ABCA13: variants seen among roughly 807,000 people sequenced by gnomAD.
ABCA13 encodes the protein ATP-binding cassette sub-family A member 13.
A neutral mutation model predicts 478.7 loss-of-function variants in ABCA13; 476 were observed. That is an observed-to-expected ratio of 0.99 (90% CI 0.92 to 1.07). The LOEUF (loss-of-function observed/expected upper bound fraction) is 1.07, where lower values mean the gene tolerates loss of function less well. ABCA13 is among the 50% of genes least tolerant of loss of function. The probability of loss-of-function intolerance (pLI) is 0.00; values close to 1 mark genes in which losing one functional copy is unlikely to be tolerated. For missense variants in ABCA13, 6,060 were observed against 5,910.6 expected, an observed-to-expected ratio of 1.03 and a Z score of -0.83; for synonymous variants, 2,252 against 2,158.9, an observed-to-expected ratio of 1.04 and a Z score of -1.20.
At chr7:48,375,199 A>T (rs553769243) in intron 34 of ABCA13, among the ~76,000 whole-genome samples, 6 of 152,292 alleles carry the variant, frequency 3.9e-5, no homozygotes, top group South Asian at 4.2e-4. Flanking sequence ...TCATCCTGGA[A>T]CCATCCTCTA....
chr7:48,381,513 G>C (rs528218744), intron 35 of ABCA13, among the ~76,000 whole-genome samples: 50 of 152,152 alleles, frequency 3.3e-4, no homozygotes, highest in Non-Finnish European at 6.2e-4. Context: ...GGGAGACTCT[G>C]TAGATCCAGC....
At chr7:48,217,839 ATC>A (rs1786720298) in intron 3 of ABCA13, among the ~76,000 whole-genome samples, 1 of 152,096 alleles carries the variant, frequency 6.6e-6, no homozygotes, top group African/African-American at 2.4e-5. Context: ...CCCCACTGTA[ATC>A]TCTTTTATCC....
At chr7:48,386,482 A>G (rs1378549409) in intron 35 of ABCA13, among the ~76,000 whole-genome samples, 3 of 152,246 alleles carry the variant, frequency 2.0e-5, no homozygotes, top group Non-Finnish European at 4.4e-5. Context: ...CCTGACTTCA[A>G]ACTATGCTAC....
At chr7:48,319,961 T>C (rs1387554751) in intron 27 of ABCA13, among the ~76,000 whole-genome samples, 1 of 152,058 alleles carries the variant, frequency 6.6e-6, no homozygotes, top group East Asian at 1.9e-4. Flanking sequence ...CCCTGAACAC[T>C]TGTACCCCTC....
rs190801647 is a variant in ABCA13, at chr7:48,177,519, C to T, written c.69+5967C>T. On this transcript the variant is annotated intron_variant, in intron 1 of 61. Coordinates refer to ENST00000435803, the MANE Select transcript of ABCA13 (RefSeq NM_152701.5). The stretch of plus-strand genomic sequence containing the variant: ...CTCCATACACAAACCCGCTCAGCTG[C>T]AGACTCCAGCACTGCGGGACAAGAT... 2.6e-5 allele frequency among the ~76,000 whole-genome samples: 4 copies of T among 152,314 alleles called. No individual in the cohort carries two copies. The East Asian group carries it at 7.7e-4, about 29-fold the overall frequency.
intron 43 of ABCA13, among the ~76,000 whole-genome samples, chr7:48,462,796 A>C (rs913599096): frequency 2.6e-5 from 4 of 152,206 alleles, no homozygotes; most frequent in Admixed American, 6.5e-5. Flanking sequence ...GGCGTGAGCC[A>C]CCGCATCCTG....
In ABCA13 at chr7:48,245,719, G is replaced by T. The variant is rs965030933; in HGVS notation, c.1491+107G>T. On this transcript the variant is annotated intron_variant, in intron 12 of 61. Coordinates refer to ENST00000435803, the MANE Select transcript of ABCA13 (RefSeq NM_152701.5). ...TTGTGAATTGTGCTAGCTAAAAAAG[G>T]GAACAATATGCAGGTTTTTCAAAAC... The T allele has an allele frequency of 7.0e-6, 10 of 1,419,426 alleles. No individual in the cohort carries two copies. The South Asian group carries it at 1.1e-4, about 16-fold the overall frequency. 87.9% of individuals were successfully genotyped at this position (1,419,426 alleles called of 1,614,324 possible).
At chr7:48,302,366 T>C (rs1800265031) in intron 23 of ABCA13, among the ~76,000 whole-genome samples, 1 of 152,206 alleles carries the variant, frequency 6.6e-6, no homozygotes, top group Non-Finnish European at 1.5e-5. Context: ...TATTTTAGGC[T>C]TAGGGGTGCA....
At chr7:48,222,561 C>T (rs1787525919) in intron 5 of ABCA13, among the ~76,000 whole-genome samples, 1 of 151,996 alleles carries the variant, frequency 6.6e-6, no homozygotes, top group African/African-American at 2.4e-5. Flanking sequence ...CCTTGATGGC[C>T]TTCTTAGTAC....
In ABCA13 at chr7:48,248,361, G is replaced by T. The variant is rs1332187832; in HGVS notation, c.1782G>T (p.Arg594=). 1.2e-6 allele frequency: 2 copies of T among 1,613,760 alleles called. No homozygotes were observed. The highest frequency in any genetic ancestry group is 2.2e-5 in the South Asian group (2 of 91,058). ...CAGAAGCAAGCCTTTCCTGTACTCG[G>T]CTCTTCCTGCTGCTGGGAGCTGATC... ...QLSEASLSCT[R]LFLLLGADPS... The change falls in exon 14 of 62, where the codon CGG becomes CGT. Residue 594 remains arginine (R), a synonymous_variant. Coordinates refer to ENST00000435803, the MANE Select transcript of ABCA13 (RefSeq NM_152701.5).
At chr7:48,256,957 A>G (rs1793488247) in intron 15 of ABCA13, among the ~76,000 whole-genome samples, 1 of 152,114 alleles carries the variant, frequency 6.6e-6, no homozygotes, top group Non-Finnish European at 1.5e-5. Flanking sequence ...ATGTTTTTCC[A>G]TTTGTTTGTA....
At chr7:48,477,215 A>C (rs1024839912) in intron 45 of ABCA13, among the ~76,000 whole-genome samples, 1 of 152,070 alleles carries the variant, frequency 6.6e-6, no homozygotes, top group Non-Finnish European at 1.5e-5. Context: ...ATATTTTCTC[A>C]TGATCATTAA....
intron 15 of ABCA13, among the ~76,000 whole-genome samples, chr7:48,268,403 T>C (rs7808297): frequency 0.25 from 37,697 of 151,836 alleles, 5,568 homozygotes; most frequent in East Asian, 0.4. Context: ...AGGTGATCCA[T>C]CTGCCTCGGC....
intron 59 of ABCA13, among the ~76,000 whole-genome samples, chr7:48,631,762 TGTG>T (rs951955089): frequency 3.9e-5 from 6 of 152,148 alleles, no homozygotes; most frequent in African/African-American, 1.4e-4. Context: ...CTTTTAGAAA[TGTG>T]GTCATTTTTA....
At chr7:48,515,039 T>C (rs931801935) in intron 51 of ABCA13, among the ~76,000 whole-genome samples, 1 of 152,152 alleles carries the variant, frequency 6.6e-6, no homozygotes, top group Non-Finnish European at 1.5e-5. Context: ...ATGGATGTCA[T>C]ATGAAAGGGG....
At chr7:48,354,111 A>G (rs191102403) in intron 31 of ABCA13, among the ~76,000 whole-genome samples, 1 of 152,054 alleles carries the variant, frequency 6.6e-6, no homozygotes, top group East Asian at 1.9e-4. Context: ...AGAATTAGTG[A>G]TCTGTGTTAG....
chr7:48,177,012 G>C (rs1043751883), intron 1 of ABCA13, among the ~76,000 whole-genome samples: 3 of 151,940 alleles, frequency 2.0e-5, no homozygotes, highest in African/African-American at 7.3e-5. Flanking sequence ...ACTGAAATCA[G>C]GTGCTAAAAA....
At chr7:48,267,118 C>A (rs1293682745) in intron 15 of ABCA13, among the ~76,000 whole-genome samples, 1 of 152,042 alleles carries the variant, frequency 6.6e-6, no homozygotes, top group Non-Finnish European at 1.5e-5. Context: ...TTGGTAAATG[C>A]TCCATATGCA....
In ABCA13 at chr7:48,612,922, A is replaced by G. The variant is rs146139706; in HGVS notation, c.14745-2363A>G. ...TTTGAAGTGACGATTGGAAATAAAA[A>G]CCCCTCGTTTTTCTCTACAATACAC... On this transcript the variant is annotated intron_variant, in intron 58 of 61. Coordinates refer to ENST00000435803, the MANE Select transcript of ABCA13 (RefSeq NM_152701.5). 8.1e-3 allele frequency among the ~76,000 whole-genome samples: 1,222 copies of G among 151,432 alleles called. 9 individuals carry two copies. The highest frequency in any genetic ancestry group is 0.014 in the Non-Finnish European group (941 of 67,860).
Sources: allele counts gnomAD v4.1 joint callset (sites outside exome capture counted in the v4.1 genomes callset), GRCh38; gene constraint gnomAD v4.1.1; transcripts MANE v1.5; gene names NCBI Gene and HGNC (gene_info 2026-07-23, HGNC 2026-07-21).